ZNF565: variants seen among roughly 807,000 people sequenced by gnomAD.
ZNF565 encodes zinc finger protein 565.
In ZNF565, 27 loss-of-function variants were observed where a neutral mutation model predicts 39.4. The ratio of observed to expected loss-of-function variants is 0.69; its 90% confidence interval spans 0.51 to 0.95. ZNF565 has a LOEUF of 0.95. Among genes scored for constraint, ZNF565 ranks in the 40% least tolerant of loss-of-function variants. The pLI is 0.00. For missense variants in ZNF565, 524 were observed against 621.1 expected, an observed-to-expected ratio of 0.84 and a Z score of 1.66; for synonymous variants, 185 against 216.6, an observed-to-expected ratio of 0.85 and a Z score of 1.28.
At chr19:36,222,451 A>C (rs573788474) in intron 1 of ZNF565, among the ~76,000 whole-genome samples, 1 of 152,312 alleles carries the variant, frequency 6.6e-6, no homozygotes, top group East Asian at 1.9e-4. Flanking sequence ...GACTGCTATT[A>C]ATACAAATGG....
At chr19:36,234,782 G>A (rs555738415) in intron 1 of ZNF565, among the ~76,000 whole-genome samples, 44 of 152,270 alleles carry the variant, frequency 2.9e-4, no homozygotes, top group African/African-American at 1.1e-3. Context: ...CCGTATAGCA[G>A]CTCATTCCTG....
At chr19:36,218,393 C>G (rs1976700930), upstream of ZNF565, among the ~76,000 whole-genome samples, 1 of 152,022 alleles carries the variant, frequency 6.6e-6, no homozygotes, top group African/African-American at 2.4e-5. Flanking sequence ...AAAATGCTTC[C>G]TCAGAAAATA....
intron 1 of ZNF565, among the ~76,000 whole-genome samples, chr19:36,226,638 G>A (rs34521310): frequency 0.051 from 7,761 of 152,082 alleles, 252 homozygotes; most frequent in Non-Finnish European, 0.069. Flanking sequence ...AAATACTTCA[G>A]CATGCATTTT....
intron 1 of ZNF565, among the ~76,000 whole-genome samples, chr19:36,232,924 A>G (rs867078127): frequency 1.4e-4 from 22 of 152,288 alleles, no homozygotes; most frequent in African/African-American, 4.8e-4. Context: ...TAAATATAAC[A>G]AATGCTGAAG....
upstream of ZNF565, among the ~76,000 whole-genome samples, chr19:36,216,023 T>C (rs1354198507): frequency 6.6e-6 from 1 of 152,138 alleles, no homozygotes; most frequent in Non-Finnish European, 1.5e-5. Flanking sequence ...CAAAGATGCG[T>C]TTTCTAAGGA....
chr19:36,187,890 G>C (rs890697772), intron 4 of ZNF565, among the ~76,000 whole-genome samples: 3 of 150,946 alleles, frequency 2.0e-5, no homozygotes, highest in African/African-American at 7.3e-5. Flanking sequence ...TGCCCACCTC[G>C]GCCTCCCAAA....
chr19:36,241,212 G>A (rs902290614), intron 1 of ZNF565, among the ~76,000 whole-genome samples: 5 of 152,198 alleles, frequency 3.3e-5, no homozygotes, highest in African/African-American at 1.2e-4. Flanking sequence ...GATGTCGGGG[G>A]CAGTGGCTCA....
chr19:36,238,630 T>C (rs1184918192), intron 1 of ZNF565: 1 of 167,110 alleles, frequency 6.0e-6, no homozygotes, highest in Non-Finnish European at 1.5e-5. Flanking sequence ...AGTCATGTTA[T>C]ACTGGATTCA....
intron 1 of ZNF565, among the ~76,000 whole-genome samples, chr19:36,242,371 T>C (rs1977815348): frequency 6.6e-6 from 1 of 151,796 alleles, no homozygotes; most frequent in Non-Finnish European, 1.5e-5. Context: ...ATCAAGCTAT[T>C]GAACTCCAGC....
At chr19:36,233,914 CGGGTGTCG>C (rs1977518447) in intron 1 of ZNF565, among the ~76,000 whole-genome samples, 1 of 146,732 alleles carries the variant, frequency 6.8e-6, no homozygotes, top group South Asian at 2.1e-4. Flanking sequence ...AGACCCTTTA[CGGGTGTCG>C]GACTGGGGGA....
chr19:36,223,348 A>G (rs2145414508), intron 1 of ZNF565, among the ~76,000 whole-genome samples: 1 of 151,988 alleles, frequency 6.6e-6, no homozygotes, highest in South Asian at 2.1e-4. Flanking sequence ...GTCTCAAAAA[A>G]AAAAAAAAAT....
At chr19:36,232,627 G>A (rs953653007) in intron 1 of ZNF565, among the ~76,000 whole-genome samples, 9 of 127,066 alleles carry the variant, frequency 7.1e-5, no homozygotes, top group Non-Finnish European at 9.9e-5. Flanking sequence ...TTTTTTTCCC[G>A]AGACATAGTC....
upstream of ZNF565, among the ~76,000 whole-genome samples, chr19:36,217,050 CCTGT>C (rs1976639352): frequency 2.4e-5 from 3 of 123,118 alleles, no homozygotes; most frequent in Admixed American, 9.0e-5. Flanking sequence ...ACAGCCAGTC[CCTGT>C]CTTTTTTTTT....
intron 1 of ZNF565, among the ~76,000 whole-genome samples, chr19:36,227,892 G>A (rs1977144916): frequency 6.6e-6 from 1 of 152,158 alleles, no homozygotes; most frequent in Non-Finnish European, 1.5e-5. Context: ...ACGGCACGGT[G>A]GCTTACATCT....
Position 36,183,717 on chromosome 19 carries a change from A to G in ZNF565, c.249T>C (p.Cys83=). ...AAATGTCTTTTTGTAGAAATTTCTC[A>G]CACCTGGACTCCAAGTCTGAAAAAT... is the stretch of plus-strand genomic sequence containing the variant. ...GPWCPDLESR[C]EKFLQKDIFE... Residue 83 remains cysteine (C), a synonymous_variant, in exon 5 of 5, where the codon TGT becomes TGC. Transcript: ENST00000304116. 1 of 1,610,098 alleles carries G rather than the reference A, an allele frequency of 6.2e-7. No homozygotes were observed. Among genetic ancestry groups the G allele is most frequent in the Middle Eastern group, 1.7e-4 (1 of 6,042 alleles).
intron 1 of ZNF565, chr19:36,213,340 C>CT (rs1232635331): frequency 2.6e-5 from 4 of 152,272 alleles, no homozygotes; most frequent in Non-Finnish European, 5.9e-5. Context: ...TCCCGGGTAG[C>CT]TGGGACCACA....
chr19:36,194,802 G>A, intron 3 of ZNF565: 1 of 647,370 alleles, frequency 1.5e-6, no homozygotes, highest in South Asian at 1.7e-5. Context: ...CAGGAGGAGA[G>A]AGAGCACCAG....
In ZNF565 at chr19:36,195,136, G is replaced by A. The variant is rs146719909; in HGVS notation, c.30C>T (p.Asp10=). 1.6e-4 allele frequency: 261 copies of A among 1,613,950 alleles called. 1 individual carries two copies. The highest frequency in any genetic ancestry group is 7.4e-4 in the East Asian group (33 of 44,880). MAQGLVTFR[D]VAIEFSLEEW... ...CTTCCAGAGAGAACTCTATGGCCAC[G>A]TCCCTGAATGTCACCAGTCCCTGAA... The change falls in exon 3 of 5, where the codon GAC becomes GAT. Residue 10 remains aspartate (D), a synonymous_variant. Coordinates refer to ENST00000304116, the MANE Select transcript of ZNF565 (RefSeq NM_152477.5).
chr19:36,202,616 A>G (rs1976006505), intron 1 of ZNF565, among the ~76,000 whole-genome samples: 1 of 152,118 alleles, frequency 6.6e-6, no homozygotes, highest in South Asian at 2.1e-4. Context: ...ACCTGCTCCA[A>G]ATTACAGCAA....
Sources: gnomAD v4.1 joint callset for allele counts (sites outside exome capture counted in the v4.1 genomes callset) on GRCh38, gnomAD v4.1.1 for gene constraint, MANE v1.5 for transcripts, NCBI Gene and HGNC (gene_info 2026-07-23, HGNC 2026-07-21) for gene names.